The following PPP2R1A variants were observed in gnomAD, a reference collection of about 807,000 sequenced individuals.
The protein encoded by PPP2R1A is protein phosphatase 2 scaffold subunit Aalpha.
Under a neutral mutation model 67.1 loss-of-function variants are expected in PPP2R1A, and 15 were observed. That is an observed-to-expected ratio of 0.22 (90% CI 0.15 to 0.34). The LOEUF (loss-of-function observed/expected upper bound fraction) is 0.34. PPP2R1A is among the 10% of genes least tolerant of loss of function. The pLI is 1.00. For synonymous variants in PPP2R1A, 337 were observed against 325.0 expected (o/e 1.04, Z -0.40); for missense variants, 369 against 775.0 (o/e 0.48, Z 6.22).
chr19:52,214,915 G>A (rs1289758242), intron 6 of PPP2R1A, among the ~76,000 whole-genome samples: 2 of 152,068 alleles, frequency 1.3e-5, no homozygotes, highest in Non-Finnish European at 2.9e-5. Context: ...TAGTAGAGAT[G>A]GGGTTTCACC....
At chr19:52,192,015 CAG>C (rs142061049) in intron 1 of PPP2R1A, among the ~76,000 whole-genome samples, 2,818 of 152,176 alleles carry the variant, frequency 0.019, 95 homozygotes, top group African/African-American at 0.064. Context: ...AGACAATAAA[CAG>C]AGTATACTGG....
rs749322788 is a variant in PPP2R1A, at chr19:52,211,480, C to T, written c.491C>T (p.Ala164Val). 11 of 1,607,886 alleles carry T rather than the reference C, an allele frequency of 6.8e-6. No individual in the cohort carries two copies. The highest frequency in any genetic ancestry group is 5.3e-5 in the African/African-American group (4 of 74,802). Residue 164 changes from alanine to valine, a missense_variant, in exon 4 of 15, where the codon GCG becomes GTG. Physicochemically the swap from Ala to Val is moderately conservative, Grantham distance 64 (BLOSUM62 0). This residue lies in a region of PPP2R1A where 93 missense variants were observed against 266.5 expected (regional missense o/e 0.35). Coordinates refer to ENST00000322088, the MANE Select transcript of PPP2R1A (RefSeq NM_014225.6). This position sits in a 1 kb window ranked among gnomAD's most constrained non-coding sequence, Gnocchi z 5.3. The part of the protein sequence containing the change: ...CYPRVSSAVK[A>V]ELRQYFRNLC... ...CCCCGAGTGTCCAGTGCTGTGAAGGCGGAACTTCGACAGTGAGTCTCTGCC... is the reference window on the plus strand; with the variant it reads ...CCCCGAGTGTCCAGTGCTGTGAAGGTGGAACTTCGACAGTGAGTCTCTGCC...
intron 13 of PPP2R1A, among the ~76,000 whole-genome samples, chr19:52,222,975 T>C (rs1979032795): frequency 6.6e-6 from 1 of 152,266 alleles, no homozygotes; most frequent in Non-Finnish European, 1.5e-5. Flanking sequence ...ACAGGTTCTT[T>C]AGTGGAAAAT....
rs1028584029 is a variant in PPP2R1A, at chr19:52,229,366, A to G, written c.*3385A>G. On this transcript the variant is annotated 3_prime_UTR_variant, in exon 15 of 15. Transcript: ENST00000322088. ...AGGCTGAGGCGGGAGGATTGCTTGA[A>G]CCTGGGAGGCAGAGGTTGCAGTGAG... 1 of 151,978 alleles carries G rather than the reference A, an allele frequency of 6.6e-6. No individual in the cohort carries two copies. The highest frequency in any genetic ancestry group is 2.4e-5 in the African/African-American group (1 of 41,358). 9.4% of individuals were successfully genotyped at this position (151,978 alleles called of 1,614,324 possible). A position where few individuals can be genotyped will look rare whatever the true frequency, so the allele number is the denominator to read the frequency against.
chr19:52,212,488 A>G lies in PPP2R1A; in HGVS notation c.504-198A>G, dbSNP rs1185970350. The G allele has an allele frequency of 8.1e-6, 5 of 615,296 alleles. No individual in the cohort carries two copies. The highest frequency in any genetic ancestry group is 1.4e-5 in the Non-Finnish European group (5 of 356,444). The allele number at this position is 615,296 out of a possible 1,614,324, so 38.1% of individuals were successfully genotyped here. A position where few individuals can be genotyped will look rare whatever the true frequency, so the allele number is the denominator to read the frequency against. ...GAAGTGTCTCACACACACTATTTTC[A>G]TTTAAACCTCATGCGGACCTGTGGG... On this transcript the variant is annotated intron_variant, in intron 4 of 14. Transcript: ENST00000322088. The surrounding 1 kb of genome is among the most constrained non-coding windows in gnomAD (Gnocchi z 4.1).
chr19:52,215,858 C>G lies in PPP2R1A; in HGVS notation c.887C>G (p.Ala296Gly), dbSNP rs1231164882. 2.5e-6 allele frequency: 4 copies of G among 1,613,980 alleles called. No individual in the cohort carries two copies. The highest frequency in any genetic ancestry group is 3.4e-6 in the Non-Finnish European group (4 of 1,179,932). The stretch of plus-strand genomic sequence containing the variant: ...CAGAACCTGATGAAAGACTGTGAGG[C>G]CGAGGTGAGGGCCGCAGCCTCCCAC... ...AFQNLMKDCE[A>G]EVRAAASHKV... The change falls in exon 7 of 15, where the codon GCC becomes GGC. Residue 296 changes from alanine (A) to glycine (G), a missense_variant. Physicochemically the swap from Ala to Gly is moderately conservative, Grantham distance 60 (BLOSUM62 0). Coordinates refer to ENST00000322088, the MANE Select transcript of PPP2R1A (RefSeq NM_014225.6).
rs562584865 is a variant in PPP2R1A, at chr19:52,208,421, G to A, written c.270+2358G>A. ...TGACCTCAGGTGATCCACCCACCCC[G>A]GCCTCCCAAAGTGCTAGGATTACAG... On this transcript the variant is annotated intron_variant, in intron 3 of 14. Transcript: ENST00000322088. Among the ~76,000 whole-genome samples the A allele has an allele frequency of 1.4e-4, 21 of 152,244 alleles. No homozygotes were observed. In the South Asian group the frequency reaches 2.7e-3, roughly 20 times the overall value.
chr19:52,195,349 A>G (rs1316811114), intron 1 of PPP2R1A, among the ~76,000 whole-genome samples: 1 of 152,184 alleles, frequency 6.6e-6, no homozygotes, highest in Non-Finnish European at 1.5e-5. Context: ...CTCTCACTTA[A>G]CACAACAATC....
At chr19:52,195,701 A>T (rs1403206244) in intron 1 of PPP2R1A, among the ~76,000 whole-genome samples, 1 of 152,202 alleles carries the variant, frequency 6.6e-6, no homozygotes, top group African/African-American at 2.4e-5. Flanking sequence ...TCAGTTCATT[A>T]TAAAGGATAG....
Position 52,212,453 on chromosome 19 carries a change from C to A in PPP2R1A, c.504-233C>A. The A allele has an allele frequency of 1.8e-6, 1 of 552,022 alleles. No individual in the cohort carries two copies. The highest frequency in any genetic ancestry group is 3.2e-6 in the Non-Finnish European group (1 of 313,262). 34.2% of individuals were successfully genotyped at this position (552,022 alleles called of 1,614,324 possible). ...CTTAGCATTGACTAGATTTATTATG[C>A]GCAATCTGCGAAGTGTCTCACACAC... On this transcript the variant is annotated intron_variant, in intron 4 of 14. Coordinates refer to ENST00000322088, the MANE Select transcript of PPP2R1A (RefSeq NM_014225.6). This position sits in a 1 kb window ranked among gnomAD's most constrained non-coding sequence, Gnocchi z 4.1.
intron 3 of PPP2R1A, among the ~76,000 whole-genome samples, chr19:52,208,878 C>T (rs1322088105): frequency 6.6e-6 from 1 of 152,120 alleles, no homozygotes; most frequent in Admixed American, 6.5e-5. Context: ...TAAAAGTACA[C>T]AGGATTTTAG....
rs1056920926 is a variant in PPP2R1A, at chr19:52,219,964, G to A, written c.1302+100G>A. Reference sequence around the variant, plus strand: ...AACGGGGCTTTGAAGGCTTAGTGGAGGCTGTGACAACTGCCTGGGGAGTCG... The same window carrying A: ...AACGGGGCTTTGAAGGCTTAGTGGAAGCTGTGACAACTGCCTGGGGAGTCG... On this transcript the variant is annotated intron_variant, in intron 10 of 14. Coordinates refer to ENST00000322088, the MANE Select transcript of PPP2R1A (RefSeq NM_014225.6). This position sits in a 1 kb window ranked among gnomAD's most constrained non-coding sequence, Gnocchi z 4.0. 5 of 1,431,682 alleles carry A rather than the reference G, an allele frequency of 3.5e-6. No individual in the cohort carries two copies. The highest frequency in any genetic ancestry group is 2.4e-5 in the East Asian group (1 of 41,456). The allele number at this position is 1,431,682 out of a possible 1,614,324, so 88.7% of individuals were successfully genotyped here.
chr19:52,213,610 G>A lies in PPP2R1A; in HGVS notation c.807+500G>A, dbSNP rs183431007. On this transcript the variant is annotated intron_variant, in intron 6 of 14. Coordinates refer to ENST00000322088, the MANE Select transcript of PPP2R1A (RefSeq NM_014225.6). The surrounding 1 kb of genome is among the most constrained non-coding windows in gnomAD (Gnocchi z 4.2). ...CATTTCTCCTGCCTCAGCCTCCTGA[G>A]GGACTGGGATTACAGATGCCCACCA... Among the ~76,000 whole-genome samples the A allele has an allele frequency of 6.6e-6, 1 of 151,780 alleles. No homozygotes were observed. The highest frequency in any genetic ancestry group is 2.0e-4 in the East Asian group (1 of 5,114).
chr19:52,193,101 C>T (rs556136325), intron 1 of PPP2R1A, among the ~76,000 whole-genome samples: 87 of 152,336 alleles, frequency 5.7e-4, no homozygotes, highest in Admixed American at 1.5e-3. Flanking sequence ...ACTGAATTCT[C>T]ACAATCACTC....
rs2089695098 is a variant in PPP2R1A, at chr19:52,213,460, T to TG, written c.807+350_807+351insG. On this transcript the variant is annotated intron_variant, in intron 6 of 14. Coordinates refer to ENST00000322088, the MANE Select transcript of PPP2R1A (RefSeq NM_014225.6). The surrounding 1 kb of genome is among the most constrained non-coding windows in gnomAD (Gnocchi z 4.2). ...CAAAAAGGTGGGGTTTTTTGGTGTT[T>TG]TTTTTTTTTTTTTTTTTTTTTTTTT... Among the ~76,000 whole-genome samples, 2 of 66,640 alleles carry TG rather than the reference T, an allele frequency of 3.0e-5. No homozygotes were observed. Among genetic ancestry groups the TG allele is most frequent in the Non-Finnish European group, 6.3e-5 (2 of 31,680 alleles). 43.7% of individuals were successfully genotyped at this position (66,640 alleles called of 152,430 possible). A position where few individuals can be genotyped will look rare whatever the true frequency, so the allele number is the denominator to read the frequency against.
chr19:52,202,554 T>A (rs1488976757), intron 2 of PPP2R1A, among the ~76,000 whole-genome samples: 3 of 152,262 alleles, frequency 2.0e-5, no homozygotes, highest in Non-Finnish European at 4.4e-5. Flanking sequence ...CAGCAGTGCT[T>A]TAAGCAGGTA....
At chr19:52,208,716 T>C (rs1023198050) in intron 3 of PPP2R1A, among the ~76,000 whole-genome samples, 3 of 151,800 alleles carry the variant, frequency 2.0e-5, no homozygotes, top group Non-Finnish European at 4.4e-5. Flanking sequence ...GCCAGGCTGG[T>C]CTAGAACTCC....
intron 1 of PPP2R1A, among the ~76,000 whole-genome samples, chr19:52,199,510 A>T (rs1473164419): frequency 6.6e-6 from 1 of 152,114 alleles, no homozygotes; most frequent in Non-Finnish European, 1.5e-5. Flanking sequence ...GACATGCATA[A>T]CTTTGGAAGA....
At chr19:52,207,390 C>T (rs527575513) in intron 3 of PPP2R1A, among the ~76,000 whole-genome samples, 29 of 152,272 alleles carry the variant, frequency 1.9e-4, no homozygotes, top group African/African-American at 6.0e-4. Context: ...ACAAGGGCCC[C>T]CAGGGTCTGC....
Sources: gnomAD v4.1 joint callset for allele counts (sites outside exome capture counted in the v4.1 genomes callset) on GRCh38, gnomAD v4.1.1 for gene constraint, gnomAD v4.1.1 regional missense constraint, Gnocchi (gnomAD v3.1) non-coding constraint, MANE v1.5 for transcripts, NCBI Gene and HGNC (gene_info 2026-07-23, HGNC 2026-07-21) for gene names.